The following KLHL1 variants were observed in gnomAD, a reference collection of about 807,000 sequenced individuals.
KLHL1 encodes kelch like family member 1.
KLHL1 carries 47 observed loss-of-function variants against 77.7 expected under a neutral mutation model. The ratio of observed to expected loss-of-function variants is 0.60; its 90% CI spans 0.48 to 0.77. The LOEUF is 0.77. Ranked by LOEUF, KLHL1 falls within the 30% of genes least tolerant of loss-of-function variation. The pLI is 0.00. For synonymous variants in KLHL1, 360 were observed against 325.2 expected, an observed-to-expected ratio of 1.11 and a Z score of -1.15; for missense variants, 925 against 910.8, an observed-to-expected ratio of 1.02 and a Z score of -0.20.
At chr13:69,715,202 G>A (rs1876062462) in intron 9 of KLHL1, among the ~76,000 whole-genome samples, 1 of 152,144 alleles carries the variant, frequency 6.6e-6, no homozygotes, top group Non-Finnish European at 1.5e-5. Context: ...CCTTGATATG[G>A]TTAGGCTTTG....
intron 8 of KLHL1, among the ~76,000 whole-genome samples, chr13:69,724,056 C>T (rs138231165): frequency 5.3e-5 from 8 of 151,840 alleles, no homozygotes; most frequent in East Asian, 2.0e-4. Flanking sequence ...CAGGATGGTC[C>T]GAACTCCTGA....
chr13:69,983,589 A>AAAAAAAAAAAAAAAAAAAAAAAAAG (rs1216543322), intron 1 of KLHL1, among the ~76,000 whole-genome samples: 32 of 132,162 alleles, frequency 2.4e-4, no homozygotes, highest in African/African-American at 5.6e-4. Context: ...AAAAAAAAAA[A>AAAAAAAAAAAAAAAAAAAAAAAAAG]AAGAAGAAGA....
intron 4 of KLHL1, among the ~76,000 whole-genome samples, chr13:69,885,811 A>G (rs894987406): frequency 1.3e-5 from 2 of 152,178 alleles, no homozygotes; most frequent in Non-Finnish European, 2.9e-5. Context: ...GCCATATGGG[A>G]GACACGTAGA....
intron 1 of KLHL1, among the ~76,000 whole-genome samples, chr13:70,043,639 A>T (rs187508028): frequency 2.1e-3 from 318 of 152,322 alleles, no homozygotes; most frequent in African/African-American, 7.2e-3. Flanking sequence ...TTAGATACAC[A>T]AATAACATTG....
At chr13:70,076,023 T>C (rs1710588444) in intron 1 of KLHL1, among the ~76,000 whole-genome samples, 1 of 151,714 alleles carries the variant, frequency 6.6e-6, no homozygotes, top group Non-Finnish European at 1.5e-5. Context: ...TATTCATATA[T>C]GGAAGCCTCA....
chr13:69,756,122 C>T (rs181240220), intron 7 of KLHL1, among the ~76,000 whole-genome samples: 1 of 152,076 alleles, frequency 6.6e-6, no homozygotes, highest in African/African-American at 2.4e-5. Flanking sequence ...AGTAAGTTGA[C>T]CCCCACCCTT....
chr13:69,827,601 A>G (rs35457419), intron 6 of KLHL1, among the ~76,000 whole-genome samples: 32,625 of 151,578 alleles, frequency 0.22, 4,502 homozygotes, highest in African/African-American at 0.39. Context: ...GTGGTGGTGC[A>G]TGGCTGTAAT....
chr13:69,971,854 G>C (rs1375338072), intron 2 of KLHL1, among the ~76,000 whole-genome samples: 1 of 152,052 alleles, frequency 6.6e-6, no homozygotes, highest in East Asian at 1.9e-4. Context: ...GCCAATGCTA[G>C]AGTATGTTTG....
intron 4 of KLHL1, among the ~76,000 whole-genome samples, chr13:69,896,848 T>A (rs1175713529): frequency 1.4e-4 from 21 of 151,900 alleles, no homozygotes; most frequent in Admixed American, 1.4e-3. Context: ...ATTTTTGTAT[T>A]TTTTAATAGA....
chr13:69,833,692 A>G (rs1355543339), intron 6 of KLHL1, among the ~76,000 whole-genome samples: 1 of 151,810 alleles, frequency 6.6e-6, no homozygotes, highest in East Asian at 1.9e-4. Flanking sequence ...GCAATTGCAA[A>G]AATATGGAAC....
intron 4 of KLHL1, among the ~76,000 whole-genome samples, chr13:69,920,494 G>A (rs946010176): frequency 5.9e-5 from 9 of 151,488 alleles, no homozygotes; most frequent in African/African-American, 1.9e-4. Flanking sequence ...TCAGAAAAGG[G>A]GACAAAAATA....
At chr13:69,770,956 T>C (rs903476942) in intron 7 of KLHL1, among the ~76,000 whole-genome samples, 1 of 152,184 alleles carries the variant, frequency 6.6e-6, no homozygotes, top group Non-Finnish European at 1.5e-5. Flanking sequence ...CTTGTTTATA[T>C]ATCACAAGTA....
At chr13:70,049,710 C>T (rs953173474) in intron 1 of KLHL1, among the ~76,000 whole-genome samples, 1 of 152,080 alleles carries the variant, frequency 6.6e-6, no homozygotes, top group East Asian at 1.9e-4. Context: ...AAAGAAAGGG[C>T]ATTTTGGTGG....
At chr13:69,787,749 A>G (rs1876635582) in intron 7 of KLHL1, among the ~76,000 whole-genome samples, 1 of 152,164 alleles carries the variant, frequency 6.6e-6, no homozygotes, top group Non-Finnish European at 1.5e-5. Context: ...GAAAATTTTC[A>G]CAACCTACTC....
chr13:69,902,671 C>T (rs532768234), intron 4 of KLHL1, among the ~76,000 whole-genome samples: 2 of 149,402 alleles, frequency 1.3e-5, no homozygotes, highest in African/African-American at 2.5e-5. Context: ...AACCAAACAC[C>T]ACATGTTCTC....
At chr13:69,986,383 A>C (rs1204882072) in intron 1 of KLHL1, among the ~76,000 whole-genome samples, 1 of 152,024 alleles carries the variant, frequency 6.6e-6, no homozygotes, top group African/African-American at 2.4e-5. Flanking sequence ...GGATATGTTA[A>C]TTGTCCTTAT....
intron 5 of KLHL1, among the ~76,000 whole-genome samples, chr13:69,847,420 A>T (rs76512077): frequency 0.94 from 140,607 of 149,498 alleles, 66,407 homozygotes; most frequent in East Asian, 0.99. Context: ...AAAAAAAAAA[A>T]AAAAAAACAT....
chr13:69,904,337 T>C (rs1881979062), intron 4 of KLHL1, among the ~76,000 whole-genome samples: 1 of 152,148 alleles, frequency 6.6e-6, no homozygotes, highest in African/African-American at 2.4e-5. Flanking sequence ...TAATAGAATA[T>C]GAATATAAAA....
intron 4 of KLHL1, among the ~76,000 whole-genome samples, chr13:69,937,089 C>T (rs1821396369): frequency 1.3e-5 from 2 of 152,074 alleles, no homozygotes; most frequent in South Asian, 4.1e-4. Flanking sequence ...CACGTGTGTC[C>T]CCCAAAAGGC....
Sources: allele counts gnomAD v4.1 joint callset (sites outside exome capture counted in the v4.1 genomes callset), GRCh38; gene constraint gnomAD v4.1.1; transcripts MANE v1.5; gene names NCBI Gene and HGNC (gene_info 2026-07-23, HGNC 2026-07-21).